The following GRB10 variants were observed in gnomAD, a reference collection of about 807,000 sequenced individuals.
GRB10 encodes the protein growth factor receptor-bound protein 10.
A neutral mutation model predicts 80.9 loss-of-function variants in GRB10; 20 were observed. The ratio of observed to expected loss-of-function variants is 0.25; its 90% confidence interval spans 0.17 to 0.36. The LOEUF (loss-of-function observed/expected upper bound fraction) is 0.36. Ranked by LOEUF, GRB10 falls within the 10% of genes least tolerant of loss-of-function variation. GRB10 has a pLI of 1.00. For synonymous variants in GRB10, 291 were observed against 291.5 expected (o/e 1.00, Z 0.02); for missense variants, 548 against 747.7 (o/e 0.73, Z 3.12).
intron 7 of GRB10, among the ~76,000 whole-genome samples, chr7:50,647,917 G>A (rs2057443695): frequency 6.6e-6 from 1 of 152,182 alleles, no homozygotes; most frequent in African/African-American, 2.4e-5. Context: ...TCTGAGATGG[G>A]AATTTGGAGG....
At chr7:50,689,472 G>A (rs1482585195) in intron 5 of GRB10, among the ~76,000 whole-genome samples, 1 of 152,160 alleles carries the variant, frequency 6.6e-6, no homozygotes, top group African/African-American at 2.4e-5. Context: ...GGGGTTAAGT[G>A]GCCAGTCCAT....
chr7:50,752,724 G>GGTCTCCA (rs2074338340), intron 3 of GRB10, among the ~76,000 whole-genome samples: 1 of 152,200 alleles, frequency 6.6e-6, no homozygotes, highest in African/African-American at 2.4e-5. Flanking sequence ...CAGGCCAAGA[G>GGTCTCCA]CAGGAGAACA....
At chr7:50,731,578 T>G (rs1182276032) in intron 4 of GRB10, among the ~76,000 whole-genome samples, 1 of 152,140 alleles carries the variant, frequency 6.6e-6, no homozygotes, top group Non-Finnish European at 1.5e-5. Context: ...GAATCAAATC[T>G]AAAGAACCAA....
intron 2 of GRB10, among the ~76,000 whole-genome samples, chr7:50,775,101 C>T (rs191238038): frequency 1.5e-4 from 20 of 134,942 alleles, no homozygotes; most frequent in African/African-American, 5.3e-4. Context: ...GCAGAGGTTG[C>T]AGTGAGCCGA....
intron 2 of GRB10, among the ~76,000 whole-genome samples, chr7:50,778,808 G>A (rs952342021): frequency 1.3e-5 from 2 of 152,180 alleles, no homozygotes; most frequent in African/African-American, 4.8e-5. Context: ...AAGAAGTGGG[G>A]TGTTAGCATG....
intron 7 of GRB10, among the ~76,000 whole-genome samples, chr7:50,660,286 C>T (rs2059121125): frequency 6.6e-6 from 1 of 152,098 alleles, no homozygotes; most frequent in Admixed American, 6.5e-5. Context: ...GCCATCATGC[C>T]ACAACCACAG....
intron 1 of GRB10, among the ~76,000 whole-genome samples, chr7:50,791,442 CA>C (rs1322089407): frequency 1.3e-5 from 2 of 152,134 alleles, no homozygotes; most frequent in Admixed American, 1.3e-4. Flanking sequence ...GCAAATAAAA[CA>C]CAAGACTAAA....
At chr7:50,682,781 T>A (rs111934605) in intron 5 of GRB10, among the ~76,000 whole-genome samples, 2,144 of 152,286 alleles carry the variant, frequency 0.014, 31 homozygotes, top group Middle Eastern at 0.054. Flanking sequence ...AATTAGTAAC[T>A]GTCAGCATAT....
chr7:50,683,630 A>G (rs1177231448), intron 5 of GRB10, among the ~76,000 whole-genome samples: 1 of 152,106 alleles, frequency 6.6e-6, no homozygotes, highest in Non-Finnish European at 1.5e-5. Context: ...CCAGCTATTC[A>G]AGAGCCTGAG....
chr7:50,681,870 T>C (rs1163120579), intron 5 of GRB10, among the ~76,000 whole-genome samples: 1 of 152,222 alleles, frequency 6.6e-6, no homozygotes, highest in East Asian at 1.9e-4. Flanking sequence ...CTGCGCCTGG[T>C]AGGAGTTTAA....
At chr7:50,744,061 C>G (rs547710229) in intron 3 of GRB10, among the ~76,000 whole-genome samples, 1 of 152,066 alleles carries the variant, frequency 6.6e-6, no homozygotes, top group Non-Finnish European at 1.5e-5. Context: ...CCGCATTCAC[C>G]GAGAGTGGAT....
At chr7:50,688,180 T>C (rs1281919873) in intron 5 of GRB10, among the ~76,000 whole-genome samples, 1 of 152,250 alleles carries the variant, frequency 6.6e-6, no homozygotes, top group Admixed American at 6.5e-5. Context: ...CACACAGCTA[T>C]GAGTAAAACT....
intron 7 of GRB10, among the ~76,000 whole-genome samples, chr7:50,641,560 G>A (rs2056278498): frequency 1.3e-5 from 2 of 152,178 alleles, no homozygotes; most frequent in Admixed American, 1.3e-4. Flanking sequence ...CCACTTGGGG[G>A]CACTCATTTT....
At chr7:50,791,648 C>T (rs1330643237) in intron 1 of GRB10, among the ~76,000 whole-genome samples, 2 of 152,244 alleles carry the variant, frequency 1.3e-5, no homozygotes, top group Admixed American at 1.3e-4. Flanking sequence ...GTATCAGTCG[C>T]TACACTTCTC....
intron 2 of GRB10, among the ~76,000 whole-genome samples, chr7:50,777,610 G>A (rs1027798338): frequency 6.6e-6 from 1 of 151,462 alleles, no homozygotes; most frequent in Admixed American, 6.6e-5. Flanking sequence ...AAAGATACAT[G>A]CACACCTATG....
intron 5 of GRB10, among the ~76,000 whole-genome samples, chr7:50,695,475 GCA>G (rs1563480498): frequency 1.9e-5 from 1 of 52,726 alleles, no homozygotes; most frequent in Admixed American, 3.4e-4. Context: ...TCTTTCTTAA[GCA>G]GGGGCAAAGA....
At chr7:50,730,497 T>G (rs564470040) in intron 4 of GRB10, among the ~76,000 whole-genome samples, 1 of 152,340 alleles carries the variant, frequency 6.6e-6, no homozygotes, top group East Asian at 1.9e-4. Context: ...GGAACTGTCA[T>G]CTTATTTTCC....
rs1024827843 is a variant in GRB10, at chr7:50,606,487, AG to A, written c.1195-74del. 8.9e-5 allele frequency: 93 copies of A among 1,045,206 alleles called. No homozygotes were observed. In the African/African-American group the frequency reaches 1.2e-3, roughly 14 times the overall value. The allele number at this position is 1,045,206 out of a possible 1,614,324, so 64.7% of individuals were successfully genotyped here. ...CCCGGCATGTGACAAACGCCACAGC[AG>A]GAAAGGGCAATGTTGAGTGCGGAAC... On this transcript the variant is annotated intron_variant, in intron 13 of 18. Coordinates refer to ENST00000401949, the MANE Select transcript of GRB10 (RefSeq NM_001350814.2).
intron 7 of GRB10, among the ~76,000 whole-genome samples, chr7:50,636,310 A>C (rs1416713901): frequency 1.3e-5 from 2 of 152,160 alleles, no homozygotes; most frequent in African/African-American, 4.8e-5. Flanking sequence ...CATACAAACA[A>C]GAGGTGGTCC....
Sources: gnomAD v4.1 joint callset for allele counts (sites outside exome capture counted in the v4.1 genomes callset) on GRCh38, gnomAD v4.1.1 for gene constraint, MANE v1.5 for transcripts, NCBI Gene and HGNC (gene_info 2026-07-23, HGNC 2026-07-21) for gene names.